Variants in CLIC6 observed in about 807,000 individuals in gnomAD.
CLIC6 encodes CLIC family member 6.
Under a neutral mutation model 49.2 loss-of-function variants are expected in CLIC6, and 39 were observed. That is an observed-to-expected ratio of 0.79 (90% confidence interval 0.61 to 1.04). The LOEUF is 1.04. Ranked by LOEUF, CLIC6 falls within the 50% of genes least tolerant of loss-of-function variation. CLIC6 has a pLI of 0.00. For synonymous variants in CLIC6, 446 were observed against 433.4 expected, an observed-to-expected ratio of 1.03 and a Z score of -0.36; for missense variants, 988 against 993.1, an observed-to-expected ratio of 0.99 and a Z score of 0.07.
At chr21:34,711,250 G>A (rs116368003) in intron 5 of CLIC6, among the ~76,000 whole-genome samples, 6 of 152,236 alleles carry the variant, frequency 3.9e-5, no homozygotes, top group South Asian at 2.1e-4. Context: ...ACAAGGTAGC[G>A]GCCAGGCGCA....
chr21:34,682,958 C>A (rs1280496405), intron 1 of CLIC6, among the ~76,000 whole-genome samples: 2 of 151,602 alleles, frequency 1.3e-5, no homozygotes, highest in Non-Finnish European at 2.9e-5. Flanking sequence ...ACTACAGGCG[C>A]CCGCCAACAC....
intron 5 of CLIC6, among the ~76,000 whole-genome samples, chr21:34,712,393 C>T (rs1239826789): frequency 6.6e-6 from 1 of 152,168 alleles, no homozygotes; most frequent in African/African-American, 2.4e-5. Context: ...GAGTAGGAAG[C>T]TTCTTTCAGT....
At chr21:34,684,625 A>G (rs1364136505) in intron 1 of CLIC6, among the ~76,000 whole-genome samples, 1 of 152,248 alleles carries the variant, frequency 6.6e-6, no homozygotes, top group Non-Finnish European at 1.5e-5. Flanking sequence ...TTGTGTTTAC[A>G]GACCTTGACT....
At chr21:34,701,479 G>C (rs1990190209) in intron 1 of CLIC6, among the ~76,000 whole-genome samples, 1 of 152,134 alleles carries the variant, frequency 6.6e-6, no homozygotes. Context: ...TGATGATAAT[G>C]ACAATAATAG....
At chr21:34,712,656 T>A (rs2056064243) in intron 5 of CLIC6, among the ~76,000 whole-genome samples, 1 of 152,090 alleles carries the variant, frequency 6.6e-6, no homozygotes, top group Admixed American at 6.5e-5. Context: ...ACCCAGCACC[T>A]AATCCAGAGG....
chr21:34,692,599 G>T (rs1990016641), intron 1 of CLIC6, among the ~76,000 whole-genome samples: 5 of 152,152 alleles, frequency 3.3e-5, no homozygotes, highest in Admixed American at 2.6e-4. Context: ...TTACTCACTA[G>T]TTTCAGTGTA....
intron 1 of CLIC6, among the ~76,000 whole-genome samples, chr21:34,700,363 C>T (rs905070175): frequency 7.5e-6 from 1 of 133,500 alleles, no homozygotes; most frequent in Non-Finnish European, 1.6e-5. Context: ...AGGAGAATGG[C>T]GTGAACCCGG....
intron 1 of CLIC6, chr21:34,705,995 A>G (rs1601284110): frequency 3.0e-6 from 2 of 665,664 alleles, no homozygotes; most frequent in Non-Finnish European, 5.4e-6. Context: ...TTTTTAAATT[A>G]CTATTTTAAC....
intron 1 of CLIC6, among the ~76,000 whole-genome samples, chr21:34,674,986 A>G (rs1031097383): frequency 3.9e-5 from 6 of 152,206 alleles, no homozygotes; most frequent in Non-Finnish European, 7.3e-5. Flanking sequence ...TGGGTGGGAC[A>G]GTCTGAGCTA....
At chr21:34,702,497 C>T (rs1990208976) in intron 1 of CLIC6, among the ~76,000 whole-genome samples, 1 of 152,194 alleles carries the variant, frequency 6.6e-6, no homozygotes, top group Non-Finnish European at 1.5e-5. Context: ...ACAACTCACA[C>T]ATTCCACGAG....
At chr21:34,707,131 A>G (rs2145817696) in intron 1 of CLIC6, 149 bp from the exon 2 acceptor site, 1 of 671,572 alleles carries the variant, frequency 1.5e-6, no homozygotes, top group East Asian at 2.7e-5. Flanking sequence ...CCAACTCCAC[A>G]TTGAGGCTGG....
chr21:34,676,612 G>GA (rs1337681211), intron 1 of CLIC6, among the ~76,000 whole-genome samples: 1 of 152,190 alleles, frequency 6.6e-6, no homozygotes, highest in East Asian at 1.9e-4. Context: ...GGTATGAAGG[G>GA]AAGGGGGATG....
In CLIC6 at chr21:34,670,682, G is replaced by A. The variant is rs760055714; in HGVS notation, c.1294G>A (p.Val432Met). The A allele has an allele frequency of 9.5e-6, 15 of 1,578,404 alleles. No individual in the cohort carries two copies. The highest frequency in any genetic ancestry group is 1.3e-5 in the African/African-American group (1 of 74,194). ...CGAGGGTAGCGGCGAGGCCGCGCGC[G>A]TGAACGGCCGCCGGGAGGACGGAGA... Reference protein sequence around the residue: ...PAEGSGEAARVNGRREDGEAS... With the variant: ...PAEGSGEAARMNGRREDGEAS... The change falls in exon 1 of 6, where the codon GTG becomes ATG. Residue 432 changes from valine to methionine, a missense_variant. By Grantham distance (21) the Val-to-Met change is conservative (BLOSUM62 1). Around this residue, in one of 3 missense-constraint regions of CLIC6, gnomAD observed 647 missense variants for 596.9 expected, o/e 1.08. Transcript: ENST00000349499.
Position 34,717,936 on chromosome 21 carries a change from C to T in CLIC6, c.*1454C>T, listed in dbSNP as rs2145825169. 1 of 152,500 alleles carries T rather than the reference C, an allele frequency of 6.6e-6. No individual in the cohort carries two copies. Among genetic ancestry groups the T allele is most frequent in the Non-Finnish European group, 1.5e-5 (1 of 68,042 alleles). 9.4% of individuals were successfully genotyped at this position (152,500 alleles called of 1,614,324 possible). ...GTCTTTAATAGAGTGGCCTCTTTCG[C>T]TCTTCGATTATGACTGCTGCAGTTT... On this transcript the variant is annotated 3_prime_UTR_variant, in exon 6 of 6. Coordinates refer to ENST00000349499, the MANE Select transcript of CLIC6 (RefSeq NM_053277.3).
intron 1 of CLIC6, among the ~76,000 whole-genome samples, chr21:34,688,979 C>T (rs1447270887): frequency 6.6e-6 from 1 of 152,180 alleles, no homozygotes; most frequent in Non-Finnish European, 1.5e-5. Context: ...CAGCCAGGAT[C>T]TTCCTTTCTA....
chr21:34,708,226 G>A (rs952370185), intron 3 of CLIC6, among the ~76,000 whole-genome samples, 157 bp downstream of exon 3: 2 of 152,098 alleles, frequency 1.3e-5, no homozygotes, highest in African/African-American at 4.8e-5. Flanking sequence ...ATTAGAGTTC[G>A]GGGACCTGGG....
At position 34,707,935 on chromosome 21, in the gene CLIC6, C is replaced by T. The variant is rs1484525241; in HGVS notation, c.1485-9C>T. On this transcript the variant is annotated splice_polypyrimidine_tract_variant and intron_variant, in intron 2 of 5. Coordinates refer to ENST00000349499, the MANE Select transcript of CLIC6 (RefSeq NM_053277.3). ...TGGCCCATAAACACTGCTGTTTCCTCCCACCTAGGAAACCCGCAGACCTGC... is the reference window on the plus strand; with the variant it reads ...TGGCCCATAAACACTGCTGTTTCCTTCCACCTAGGAAACCCGCAGACCTGC... 4.3e-6 allele frequency: 7 copies of T among 1,613,828 alleles called. No homozygotes were observed. In the East Asian group the frequency reaches 1.6e-4, roughly 36 times the overall value.
At position 34,670,622 on chromosome 21, in the gene CLIC6, C is replaced by A; in HGVS notation, c.1234C>A (p.Gln412Lys). 6.5e-7 allele frequency: 1 copy of A among 1,549,434 alleles called. No individual in the cohort carries two copies. Among genetic ancestry groups the A allele is most frequent in the Admixed American group, 1.9e-5 (1 of 51,434 alleles). Residue 412 changes from glutamine to lysine, a missense_variant, in exon 1 of 6, where the codon CAG becomes AAG. Physicochemically the swap from Gln to Lys is moderately conservative, Grantham distance 53. This residue lies in a region of CLIC6 where 647 missense variants were observed against 596.9 expected (regional missense o/e 1.08). Transcript: ENST00000349499. ...ASRGAAEPEAQLSNHLAEEGP... is the reference protein window; with the variant it reads ...ASRGAAEPEAKLSNHLAEEGP... ...CAGGGGCGCCGCGGAGCCTGAGGCC[C>A]AGCTCAGCAACCACCTGGCCGAGGA...
intron 1 of CLIC6, among the ~76,000 whole-genome samples, chr21:34,691,076 T>C (rs1045397886): frequency 1.3e-5 from 2 of 152,126 alleles, no homozygotes; most frequent in African/African-American, 4.8e-5. Context: ...TTCCAGATAA[T>C]TCCATAATGT....
Sources: allele counts gnomAD v4.1 joint callset (sites outside exome capture counted in the v4.1 genomes callset), GRCh38; gene constraint gnomAD v4.1.1; regional missense constraint gnomAD v4.1.1; transcripts MANE v1.5; gene names NCBI Gene and HGNC (gene_info 2026-07-23, HGNC 2026-07-21).